The following BACH2 variants were observed in gnomAD, a reference collection of about 807,000 sequenced individuals.
BACH2 encodes BACH transcriptional regulator 2, also known as transcription regulator protein BACH2.
BACH2 carries 5 observed loss-of-function variants against 61.8 expected under a neutral mutation model. That is an observed-to-expected ratio of 0.08 (90% CI 0.04 to 0.17). BACH2 has a LOEUF of 0.17. Ranked by LOEUF, BACH2 falls within the 10% of genes least tolerant of loss-of-function variation. The probability of loss-of-function intolerance (pLI) is 1.00; values close to 1 mark genes in which losing one functional copy is unlikely to be tolerated. For synonymous variants in BACH2, 446 were observed against 440.1 expected (o/e 1.01, Z -0.17); for missense variants, 824 against 1,091.1 (o/e 0.76, Z 3.45).
chr6:90,254,166 G>A (rs1019898106), intron 2 of BACH2, among the ~76,000 whole-genome samples: 1 of 150,808 alleles, frequency 6.6e-6, no homozygotes, highest in Non-Finnish European at 1.5e-5. Flanking sequence ...ACATGAGAGA[G>A]AGAAACAAAA....
At chr6:90,236,889 T>C (rs981906482) in intron 3 of BACH2, among the ~76,000 whole-genome samples, 5 of 152,122 alleles carry the variant, frequency 3.3e-5, no homozygotes, top group African/African-American at 4.8e-5. Context: ...CACTGTGAAA[T>C]TGTACAAACC....
At chr6:90,266,042 C>G (rs1242993884) in intron 2 of BACH2, among the ~76,000 whole-genome samples, 1 of 152,066 alleles carries the variant, frequency 6.6e-6, no homozygotes, top group Admixed American at 6.6e-5. Context: ...CTGTCATATG[C>G]CCAGGTACTA....
chr6:90,154,273 A>G (rs1434691887), intron 4 of BACH2, among the ~76,000 whole-genome samples: 2 of 152,198 alleles, frequency 1.3e-5, no homozygotes, highest in Non-Finnish European at 2.9e-5. Context: ...GATGAGATGA[A>G]CAAAATTGAT....
chr6:90,071,702 G>A (rs948326977), intron 5 of BACH2, among the ~76,000 whole-genome samples: 1 of 152,198 alleles, frequency 6.6e-6, no homozygotes, highest in African/African-American at 2.4e-5. Flanking sequence ...CGACGCAGTC[G>A]AAAATCTACA....
At chr6:90,130,600 A>G (rs1784045432) in intron 4 of BACH2, among the ~76,000 whole-genome samples, 1 of 152,210 alleles carries the variant, frequency 6.6e-6, no homozygotes, top group African/African-American at 2.4e-5. Context: ...ACTGGAATTG[A>G]AAGCCAGCTG....
intron 4 of BACH2, among the ~76,000 whole-genome samples, chr6:90,180,039 G>C (rs1768106242): frequency 1.3e-5 from 2 of 152,102 alleles, no homozygotes; most frequent in African/African-American, 4.8e-5. Context: ...TTTCAACACA[G>C]TTTTCTGAGA....
intron 6 of BACH2, among the ~76,000 whole-genome samples, chr6:89,965,242 A>G (rs1258576422): frequency 6.6e-6 from 1 of 152,130 alleles, no homozygotes; most frequent in Non-Finnish European, 1.5e-5. Context: ...TATTTTGAAT[A>G]TGGAATTCCT....
At chr6:89,978,088 A>AG (rs1326370657) in intron 6 of BACH2, among the ~76,000 whole-genome samples, 2 of 152,216 alleles carry the variant, frequency 1.3e-5, no homozygotes, top group African/African-American at 4.8e-5. Context: ...TAATACAAAA[A>AG]GGGGGGAAAT....
At chr6:90,183,039 A>G (rs1562491594) in intron 4 of BACH2, among the ~76,000 whole-genome samples, 1 of 152,224 alleles carries the variant, frequency 6.6e-6, no homozygotes, top group Non-Finnish European at 1.5e-5. Flanking sequence ...TATAAAACAA[A>G]GGGAAAATCC....
At chr6:90,011,784 G>A (rs1199915822) in intron 5 of BACH2, among the ~76,000 whole-genome samples, 2 of 152,052 alleles carry the variant, frequency 1.3e-5, no homozygotes, top group Non-Finnish European at 2.9e-5. Context: ...AGCTGGGTGT[G>A]GTGGTACGTG....
intron 6 of BACH2, among the ~76,000 whole-genome samples, chr6:89,957,055 G>T (rs1160260767): frequency 6.6e-6 from 1 of 152,220 alleles, no homozygotes; most frequent in African/African-American, 2.4e-5. Context: ...GAACCAGGAA[G>T]ATAAAGGTAA....
chr6:90,059,767 C>T (rs889285829), intron 5 of BACH2, among the ~76,000 whole-genome samples: 1 of 151,922 alleles, frequency 6.6e-6, no homozygotes, highest in African/African-American at 2.4e-5. Flanking sequence ...AAATGTGGCA[C>T]ATATACACCA....
In BACH2 at chr6:89,931,757, A is replaced by G. The variant is rs776975326; in HGVS notation, c.*651T>C. The stretch of plus-strand genomic sequence containing the variant: ...TTCCAACACTGAATTTTGTCCATAA[A>G]TAAGTACGAATTGAAAATTGAACTG... On this transcript the variant is annotated 3_prime_UTR_variant, in exon 9 of 9. Transcript: ENST00000257749. 6 of 152,604 alleles carry G rather than the reference A, an allele frequency of 3.9e-5. No individual in the cohort carries two copies. Among genetic ancestry groups the G allele is most frequent in the African/African-American group, 7.2e-5 (3 of 41,410 alleles). 9.5% of individuals were successfully genotyped at this position (152,604 alleles called of 1,614,324 possible). A position where few individuals can be genotyped will look rare whatever the true frequency, so the allele number is the denominator to read the frequency against.
At chr6:90,121,985 C>T (rs902153517) in intron 4 of BACH2, among the ~76,000 whole-genome samples, 1 of 152,150 alleles carries the variant, frequency 6.6e-6, no homozygotes, top group African/African-American at 2.4e-5. Flanking sequence ...GTTTTAACTG[C>T]AGTTCAATGA....
In BACH2 at chr6:90,062,947, C is replaced by G. The variant is rs373795391; in HGVS notation, c.-13+26014G>C. The G allele has an allele frequency of 8.1e-6, 8 of 984,810 alleles. No homozygotes were observed. In the South Asian group the frequency reaches 3.8e-4, roughly 46 times the overall value. The allele number at this position is 984,810 out of a possible 1,614,324, so 61.0% of individuals were successfully genotyped here. ...TGATCTGAGAAGTCTCTTCCACTTG[C>G]GTTTTTCTTCTTTTACCTGGCAATT... On this transcript the variant is annotated intron_variant, in intron 5 of 8. Coordinates refer to ENST00000257749, the MANE Select transcript of BACH2 (RefSeq NM_021813.4).
At chr6:90,035,123 C>T (rs9342217) in intron 5 of BACH2, among the ~76,000 whole-genome samples, 63,106 of 151,952 alleles carry the variant, frequency 0.42, 14,976 homozygotes, top group East Asian at 0.82. Flanking sequence ...ATCTCTGTCT[C>T]TGGCAACACA....
At chr6:90,296,113 CT>C in intron 1 of BACH2, among the ~76,000 whole-genome samples, 1 of 152,008 alleles carries the variant, frequency 6.6e-6, no homozygotes, top group East Asian at 1.9e-4. Context: ...GGACGCGCGC[CT>C]CCTGCAGCCC....
chr6:90,257,922 T>G (rs1303706999), intron 2 of BACH2, among the ~76,000 whole-genome samples: 2 of 152,030 alleles, frequency 1.3e-5, no homozygotes, highest in Non-Finnish European at 2.9e-5. Context: ...ATTACAGGTG[T>G]GCGCCACCAC....
intron 5 of BACH2, among the ~76,000 whole-genome samples, chr6:90,049,498 A>T (rs1779937877): frequency 6.6e-6 from 1 of 152,128 alleles, no homozygotes; most frequent in Admixed American, 6.5e-5. Context: ...ACCCTTTCAG[A>T]ATGCCAGTGA....
Sources: gnomAD v4.1 joint callset for allele counts (sites outside exome capture counted in the v4.1 genomes callset) on GRCh38, gnomAD v4.1.1 for gene constraint, MANE v1.5 for transcripts, NCBI Gene and HGNC (gene_info 2026-07-23, HGNC 2026-07-21) for gene names.